The following MAGEH1 variants were observed in gnomAD, a reference collection of about 807,000 sequenced individuals.
MAGEH1 encodes melanoma-associated antigen H1.
For missense variants in MAGEH1, 152 were observed against 183.0 expected, an observed-to-expected ratio of 0.83 and a Z score of 0.98; for synonymous variants, 79 against 70.3, an observed-to-expected ratio of 1.12 and a Z score of -0.62.
At position 55,453,052 on chromosome X, in the gene MAGEH1, C is replaced by G. The variant is rs769585312; in HGVS notation, c.*18C>G. On this transcript the variant is annotated 3_prime_UTR_variant, in exon 1 of 1. Coordinates refer to ENST00000342972, the MANE Select transcript of MAGEH1 (RefSeq NM_014061.5). ...CCCCTTAAGTAGATCTGAGGCAGAC[C>G]CTTGGGGGTGTAAAAGAGAGTCACA... is the stretch of plus-strand genomic sequence containing the variant. 9.2e-6 allele frequency: 11 copies of G among 1,189,267 alleles called. No homozygotes were observed. Among genetic ancestry groups the G allele is most frequent in the Non-Finnish European group, 1.2e-5 (11 of 882,563 alleles).
Position 55,453,130 on chromosome X carries a change from G to C in MAGEH1, c.*96G>C. ...CCTAAGTTGAAAATGATGTCGATTG[G>C]GGGCGGGGGACACTGTATTTGATAT... On this transcript the variant is annotated 3_prime_UTR_variant, in exon 1 of 1. Transcript: ENST00000342972. The C allele has an allele frequency of 1.3e-6, 1 of 747,301 alleles. No individual in the cohort carries two copies. Among genetic ancestry groups the C allele is most frequent in the Non-Finnish European group, 1.9e-6 (1 of 513,558 alleles). 61.6% of individuals were successfully genotyped at this position (747,301 alleles called of 1,213,427 possible).
chrX:55,452,603 C>G lies in MAGEH1; in HGVS notation c.229C>G (p.Pro77Ala). Reference protein sequence around the residue: ...EASSTAQAQKPSVPRSNFQGT... With the variant: ...EASSTAQAQKASVPRSNFQGT... ...CTCGAGCACTGCCCAAGCACAAAAG[C>G]CTTCAGTGCCCCGGAGCAATTTTCA... The change falls in exon 1 of 1, where the codon CCT (proline) becomes GCT (alanine). Residue 77 changes from proline to alanine, a missense_variant. By Grantham distance (27) the Pro-to-Ala change is conservative. Coordinates refer to ENST00000342972, the MANE Select transcript of MAGEH1 (RefSeq NM_014061.5). The G allele has an allele frequency of 1.7e-6, 2 of 1,211,151 alleles. No individual in the cohort carries two copies. Among genetic ancestry groups the G allele is most frequent in the Non-Finnish European group, 2.2e-6 (2 of 895,278 alleles).
chrX:55,452,382 G>C lies in MAGEH1; in HGVS notation c.8G>C (p.Arg3Pro). 8.7e-7 allele frequency: 1 copy of C among 1,155,302 alleles called. No individual in the cohort carries two copies. Among genetic ancestry groups the C allele is most frequent in the South Asian group, 2.1e-5 (1 of 48,558 alleles). The change falls in exon 1 of 1, where the codon CGG (arginine) becomes CCG (proline). Residue 3 changes from arginine to proline, a missense_variant. Coordinates refer to ENST00000342972, the MANE Select transcript of MAGEH1 (RefSeq NM_014061.5). Reference protein sequence around the residue: MPRGRKSRRRRNA... With the variant: MPPGRKSRRRRNA... ...GAGCCTCTAGCAGGAGACATGCCTC[G>C]GGGACGAAAGAGTCGGCGCCGCCGT... is the stretch of plus-strand genomic sequence containing the variant.
chrX:55,452,378 C>T lies in MAGEH1; in HGVS notation c.4C>T (p.Pro2Ser), dbSNP rs748425647. Reference sequence around the variant, plus strand: ...CTTTGAGCCTCTAGCAGGAGACATGCCTCGGGGACGAAAGAGTCGGCGCCG... The same window carrying T: ...CTTTGAGCCTCTAGCAGGAGACATGTCTCGGGGACGAAAGAGTCGGCGCCG... MPRGRKSRRRRN... is the reference protein window; with the variant it reads MSRGRKSRRRRN... The change falls in exon 1 of 1, where the codon CCT becomes TCT. Residue 2 changes from proline (P) to serine (S), a missense_variant. Pro to Ser is a moderately conservative substitution (Grantham distance 74, BLOSUM62 -1). Coordinates refer to ENST00000342972, the MANE Select transcript of MAGEH1 (RefSeq NM_014061.5). The T allele has an allele frequency of 1.7e-6, 2 of 1,153,958 alleles. No individual in the cohort carries two copies. The highest frequency in any genetic ancestry group is 2.1e-5 in the South Asian group (1 of 48,279).
chrX:55,452,593 A>T lies in MAGEH1; in HGVS notation c.219A>T (p.Gln73His), dbSNP rs763873510. The T allele has an allele frequency of 4.1e-6, 5 of 1,211,167 alleles. No individual in the cohort carries two copies. Among genetic ancestry groups the T allele is most frequent in the Non-Finnish European group, 5.6e-6 (5 of 895,304 alleles). The change falls in exon 1 of 1, where the codon CAA becomes CAT. Residue 73 changes from glutamine to histidine, a missense_variant. Gln to His is a conservative substitution (Grantham distance 24, BLOSUM62 0). Transcript: ENST00000342972. ...CTGAAGAAGCCTCGAGCACTGCCCAAGCACAAAAGCCTTCAGTGCCCCGGA... is the reference window on the plus strand; with the variant it reads ...CTGAAGAAGCCTCGAGCACTGCCCATGCACAAAAGCCTTCAGTGCCCCGGA... ...TTPEEASSTA[Q>H]AQKPSVPRSN...
rs1602022222 is a variant in MAGEH1 at position 55,453,301 on chromosome X, C to A, written c.*267C>A. On this transcript the variant is annotated 3_prime_UTR_variant, in exon 1 of 1. Transcript: ENST00000342972. ...ACAAATTTTTTTCTTTGTTTCCTGT[C>A]ATTGACATTTAGTATAACAGTTTTG... 6.0e-6 allele frequency: 2 copies of A among 330,954 alleles called. No homozygotes were observed. The highest frequency in any genetic ancestry group is 1.0e-4 in the East Asian group (2 of 19,294). The allele number at this position is 330,954 out of a possible 1,213,427, so 27.3% of individuals were successfully genotyped here. A position where few individuals can be genotyped will look rare whatever the true frequency, so the allele number is the denominator to read the frequency against.
Position 55,453,049 on chromosome X carries a change from G to T in MAGEH1, c.*15G>T. The T allele has an allele frequency of 8.3e-7, 1 of 1,199,909 alleles. No homozygotes were observed. The highest frequency in any genetic ancestry group is 3.0e-5 in the East Asian group (1 of 33,737). ...CCGCCCCTTAAGTAGATCTGAGGCA[G>T]ACCCTTGGGGGTGTAAAAGAGAGTC... On this transcript the variant is annotated 3_prime_UTR_variant, in exon 1 of 1. Coordinates refer to ENST00000342972, the MANE Select transcript of MAGEH1 (RefSeq NM_014061.5).
chrX:55,452,747 C>A lies in MAGEH1; in HGVS notation c.373C>A (p.Gln125Lys). ...LGKLGMQPGR[Q>K]HSIFGDPKKI... ...GAAGTTAGGAATGCAGCCTGGACGTCAGCACAGCATCTTTGGAGATCCGAA... is the reference window on the plus strand; with the variant it reads ...GAAGTTAGGAATGCAGCCTGGACGTAAGCACAGCATCTTTGGAGATCCGAA... The change falls in exon 1 of 1, where the codon CAG (glutamine) becomes AAG (lysine). Residue 125 changes from glutamine (Q) to lysine (K), a missense_variant. Transcript: ENST00000342972. 1 of 1,211,763 alleles carries A rather than the reference C, an allele frequency of 8.3e-7. No individual in the cohort carries two copies.
Position 55,453,134 on chromosome X carries a change from C to A in MAGEH1, c.*100C>A. 1 of 707,488 alleles carries A rather than the reference C, an allele frequency of 1.4e-6. No individual in the cohort carries two copies. The highest frequency in any genetic ancestry group is 2.1e-6 in the Non-Finnish European group (1 of 480,190). 58.3% of individuals were successfully genotyped at this position (707,488 alleles called of 1,213,427 possible). ...AGTTGAAAATGATGTCGATTGGGGG[C>A]GGGGGACACTGTATTTGATATTTGT... On this transcript the variant is annotated 3_prime_UTR_variant, in exon 1 of 1. Transcript: ENST00000342972.
chrX:55,452,436 A>C lies in MAGEH1; in HGVS notation c.62A>C (p.Asn21Thr), dbSNP rs148527152. ...GCGAGAGCCGCAGAAGAGAACCGCA[A>C]CAATCGCAAAATCCAGGCCTCAGAG... ...RNARAAEENR[N>T]NRKIQASEAS... is the part of the protein sequence containing the mutation. Residue 21 changes from asparagine to threonine, a missense_variant, in exon 1 of 1, where the codon AAC becomes ACC. By Grantham distance (65) the Asn-to-Thr change is moderately conservative. Coordinates refer to ENST00000342972, the MANE Select transcript of MAGEH1 (RefSeq NM_014061.5). The C allele has an allele frequency of 1.2e-4, 144 of 1,179,817 alleles. 1 individual carries two copies. Among genetic ancestry groups the C allele is most frequent in the Non-Finnish European group, 1.6e-4 (140 of 883,940 alleles).
In MAGEH1 at chrX:55,452,132, T is replaced by C. The variant is rs2031183961; in HGVS notation, c.-243T>C. 1 of 308,432 alleles carries C rather than the reference T, an allele frequency of 3.2e-6. No individual in the cohort carries two copies. The highest frequency in any genetic ancestry group is 2.8e-5 in the African/African-American group (1 of 36,249). The allele number at this position is 308,432 out of a possible 1,213,427, so 25.4% of individuals were successfully genotyped here. ...GTGGCAGGAGAGGCGGGGCCAATTT[T>C]GCTGAGCTTTCTCGCGGGCTTGCAG... On this transcript the variant is annotated 5_prime_UTR_variant, in exon 1 of 1. Transcript: ENST00000342972.
Position 55,452,451 on chromosome X carries a change from A to G in MAGEH1, c.77A>G (p.Gln26Arg), listed in dbSNP as rs1359408710. The change falls in exon 1 of 1, where the codon CAG becomes CGG. Residue 26 changes from glutamine to arginine, a missense_variant. By Grantham distance (43) the Gln-to-Arg change is conservative. Coordinates refer to ENST00000342972, the MANE Select transcript of MAGEH1 (RefSeq NM_014061.5). ...AEENRNNRKIQASEASETPMA... is the reference protein window; with the variant it reads ...AEENRNNRKIRASEASETPMA... ...GAGAACCGCAACAATCGCAAAATCC[A>G]GGCCTCAGAGGCCTCCGAGACCCCT... The G allele has an allele frequency of 4.2e-6, 5 of 1,188,464 alleles. No individual in the cohort carries two copies. Among genetic ancestry groups the G allele is most frequent in the East Asian group, 6.0e-5 (2 of 33,523 alleles).
chrX:55,453,037 A>G lies in MAGEH1; in HGVS notation c.*3A>G. On this transcript the variant is annotated 3_prime_UTR_variant, in exon 1 of 1. Coordinates refer to ENST00000342972, the MANE Select transcript of MAGEH1 (RefSeq NM_014061.5). Reference sequence around the variant, plus strand: ...CTAGGGGTTATTCCGCCCCTTAAGTAGATCTGAGGCAGACCCTTGGGGGTG... The same window carrying G: ...CTAGGGGTTATTCCGCCCCTTAAGTGGATCTGAGGCAGACCCTTGGGGGTG... 1 of 1,206,588 alleles carries G rather than the reference A, an allele frequency of 8.3e-7. No individual in the cohort carries two copies. Among genetic ancestry groups the G allele is most frequent in the Non-Finnish European group, 1.1e-6 (1 of 892,189 alleles).
In MAGEH1 at chrX:55,452,405, C is replaced by T. The variant is rs370434311; in HGVS notation, c.31C>T (p.Arg11Cys). The change falls in exon 1 of 1, where the codon CGT becomes TGT. Residue 11 changes from arginine to cysteine, a missense_variant. Coordinates refer to ENST00000342972, the MANE Select transcript of MAGEH1 (RefSeq NM_014061.5). Reference sequence around the variant, plus strand: ...TCGGGGACGAAAGAGTCGGCGCCGCCGTAATGCGAGAGCCGCAGAAGAGAA... The same window carrying T: ...TCGGGGACGAAAGAGTCGGCGCCGCTGTAATGCGAGAGCCGCAGAAGAGAA... Reference protein sequence around the residue: MPRGRKSRRRRNARAAEENRN... With the variant: MPRGRKSRRRCNARAAEENRN... 2.6e-6 allele frequency: 3 copies of T among 1,162,503 alleles called. No individual in the cohort carries two copies. Among genetic ancestry groups the T allele is most frequent in the Non-Finnish European group, 3.4e-6 (3 of 875,396 alleles).
chrX:55,452,971 G>C lies in MAGEH1; in HGVS notation c.597G>C (p.Ser199=), dbSNP rs376513651. 22 of 1,209,376 alleles carry C rather than the reference G, an allele frequency of 1.8e-5. No homozygotes were observed. In the African/African-American group the frequency reaches 3.7e-4, roughly 20 times the overall value. ...KDWPCNYDWD[S]DDDAEVEAIL... ...GGCCTTGTAATTATGACTGGGATTC[G>C]GACGATGATGCAGAGGTTGAGGCTA... The change falls in exon 1 of 1, where the codon TCG becomes TCC. Residue 199 remains serine (S), a synonymous_variant. Transcript: ENST00000342972.
In MAGEH1 at chrX:55,452,420, G is replaced by A; in HGVS notation, c.46G>A (p.Ala16Thr). ...TCGGCGCCGCCGTAATGCGAGAGCC[G>A]CAGAAGAGAACCGCAACAATCGCAA... ...KSRRRRNARA[A>T]EENRNNRKIQ... Residue 16 changes from alanine (A) to threonine (T), a missense_variant, in exon 1 of 1, where the codon GCA (alanine) becomes ACA (threonine). Transcript: ENST00000342972. The A allele has an allele frequency of 9.4e-6, 11 of 1,173,403 alleles. No homozygotes were observed. The highest frequency in any genetic ancestry group is 1.9e-5 in the South Asian group (1 of 51,467).
At position 55,452,185 on chromosome X, in the gene MAGEH1, C is replaced by A. The variant is rs1260472081; in HGVS notation, c.-190C>A. ...GCGGCAAGTGCTGGCGGCGGCTGCTCGCGCAAGTCAGCTGGCGTGGGAACT... is the reference window on the plus strand; with the variant it reads ...GCGGCAAGTGCTGGCGGCGGCTGCTAGCGCAAGTCAGCTGGCGTGGGAACT... On this transcript the variant is annotated 5_prime_UTR_variant, in exon 1 of 1. Transcript: ENST00000342972. 2.8e-6 allele frequency: 1 copy of A among 357,870 alleles called. No homozygotes were observed. The highest frequency in any genetic ancestry group is 7.9e-4 in the Middle Eastern group (1 of 1,269). 29.5% of individuals were successfully genotyped at this position (357,870 alleles called of 1,213,427 possible).
rs2031190639 is a variant in MAGEH1 at position 55,452,473 on chromosome X, C to T, written c.99C>T (p.Thr33=). ...TCCAGGCCTCAGAGGCCTCCGAGAC[C>T]CCTATGGCCGCCTCTGTGGTAGCGA... The part of the protein sequence containing the change: ...RKIQASEASE[T]PMAASVVAST... Residue 33 remains threonine, a synonymous_variant, in exon 1 of 1, where the codon ACC becomes ACT. Coordinates refer to ENST00000342972, the MANE Select transcript of MAGEH1 (RefSeq NM_014061.5). The T allele has an allele frequency of 2.5e-6, 3 of 1,206,979 alleles. No individual in the cohort carries two copies. Among genetic ancestry groups the T allele is most frequent in the Middle Eastern group, 4.6e-4 (2 of 4,326 alleles).
Position 55,452,441 on chromosome X carries a change from C to T in MAGEH1, c.67C>T (p.Arg23Cys). 3 of 1,183,776 alleles carry T rather than the reference C, an allele frequency of 2.5e-6. No individual in the cohort carries two copies. The highest frequency in any genetic ancestry group is 1.9e-5 in the South Asian group (1 of 53,168). Reference sequence around the variant, plus strand: ...AGCCGCAGAAGAGAACCGCAACAATCGCAAAATCCAGGCCTCAGAGGCCTC... The same window carrying T: ...AGCCGCAGAAGAGAACCGCAACAATTGCAAAATCCAGGCCTCAGAGGCCTC... ...ARAAEENRNN[R>C]KIQASEASET... Residue 23 changes from arginine (R) to cysteine (C), a missense_variant, in exon 1 of 1, where the codon CGC becomes TGC. Coordinates refer to ENST00000342972, the MANE Select transcript of MAGEH1 (RefSeq NM_014061.5).
Sources: gnomAD v4.1 joint callset for allele counts on GRCh38, gnomAD v4.1.1 for gene constraint, MANE v1.5 for transcripts, NCBI Gene and HGNC (gene_info 2026-07-23, HGNC 2026-07-21) for gene names.